The following ZNF503 variants were observed in gnomAD, a reference collection of about 807,000 sequenced individuals.
The protein encoded by ZNF503 is NocA-like zinc finger 2.
In ZNF503, 15 loss-of-function variants were observed where a neutral mutation model predicts 34.4. The ratio of observed to expected loss-of-function variants is 0.44; its 90% CI spans 0.29 to 0.67. The LOEUF is 0.67. Among genes scored for constraint, ZNF503 ranks in the 30% least tolerant of loss-of-function variants. The probability of loss-of-function intolerance (pLI) is 0.13; values close to 1 mark genes in which losing one functional copy is unlikely to be tolerated. For missense variants in ZNF503, 1,007 were observed against 926.8 expected (o/e 1.09, Z -1.12); for synonymous variants, 580 against 456.8 (o/e 1.27, Z -3.44).
chr10:75,371,094 T>G, the ZNF503 span, among the ~76,000 whole-genome samples: 24 of 152,006 alleles, frequency 1.6e-4, no homozygotes, highest in Admixed American at 4.6e-4. Context: ...GACTAGCAAA[T>G]GGGGACCTGG....
chr10:75,359,666 C>T, the ZNF503 span, among the ~76,000 whole-genome samples: 1 of 152,186 alleles, frequency 6.6e-6, no homozygotes, highest in Non-Finnish European at 1.5e-5. Context: ...AGGAGTCAGC[C>T]CATGAGTAGA....
the ZNF503 span, among the ~76,000 whole-genome samples, chr10:75,379,334 A>G: frequency 6.6e-6 from 1 of 152,210 alleles, no homozygotes; most frequent in African/African-American, 2.4e-5. Flanking sequence ...ACATGTGACC[A>G]TTAACGATGT....
At chr10:75,293,664 T>C in the ZNF503 span, among the ~76,000 whole-genome samples, 5 of 151,872 alleles carry the variant, frequency 3.3e-5, no homozygotes, top group Non-Finnish European at 5.9e-5. Context: ...TATGTGTGTG[T>C]GCGCATGTGT....
chr10:75,371,900 GTCTA>G, the ZNF503 span, among the ~76,000 whole-genome samples: 1 of 152,140 alleles, frequency 6.6e-6, no homozygotes, highest in African/African-American at 2.4e-5. Flanking sequence ...GCCTCATTCA[GTCTA>G]TCTTTCAATT....
chr10:75,281,239 G>A, the ZNF503 span, among the ~76,000 whole-genome samples: 1 of 152,154 alleles, frequency 6.6e-6, no homozygotes, highest in African/African-American at 2.4e-5. Context: ...TGCACCCGGA[G>A]GGGCCTGAGA....
intron 1 of ZNF503, 119 bp from the exon 2 acceptor site, chr10:75,400,493 C>A (rs1589134163): frequency 7.0e-7 from 1 of 1,437,752 alleles, no homozygotes; most frequent in Non-Finnish European, 9.1e-7. Context: ...ATCCTCCCAG[C>A]CCCAAGGCGC....
At chr10:75,393,149 G>C (rs1440563396), downstream of ZNF503, among the ~76,000 whole-genome samples, 1 of 152,218 alleles carries the variant, frequency 6.6e-6, no homozygotes, top group African/African-American at 2.4e-5. Context: ...TACCCCCTGG[G>C]CTCACTCTGG....
chr10:75,401,698 G>C lies in ZNF503; in HGVS notation c.-279C>G. ...GCCTCGGGCTGCTCCCCTGCGCTGC[G>C]TTCTCGCGGCCCCGCGCCGGCGCTG... On this transcript the variant is annotated 5_prime_UTR_variant, in exon 1 of 2. Coordinates refer to ENST00000372524, the MANE Select transcript of ZNF503 (RefSeq NM_032772.6). The C allele has an allele frequency of 2.3e-6, 1 of 427,542 alleles. No homozygotes were observed. The highest frequency in any genetic ancestry group is 4.1e-6 in the Non-Finnish European group (1 of 242,736). The allele number at this position is 427,542 out of a possible 1,614,324, so 26.5% of individuals were successfully genotyped here.
chr10:75,382,712 C>T, the ZNF503 span: 1 of 345,838 alleles, frequency 2.9e-6, no homozygotes, highest in Non-Finnish European at 5.7e-6. Flanking sequence ...CTCTGGAAAG[C>T]TGTCAAAATA....
chr10:75,333,102 G>A, the ZNF503 span, among the ~76,000 whole-genome samples: 2 of 143,934 alleles, frequency 1.4e-5, no homozygotes, highest in African/African-American at 5.3e-5. Context: ...GCCGGGCGGG[G>A]GGCTGACCCC....
In ZNF503 at chr10:75,399,437, G is replaced by A. The variant is rs1446525743; in HGVS notation, c.1253C>T (p.Pro418Leu). The change falls in exon 2 of 2, where the codon CCG becomes CTG. Residue 418 changes from proline to leucine, a missense_variant. By Grantham distance (98) the Pro-to-Leu change is moderately conservative. Transcript: ENST00000372524. ...CAAACTGGCTGTCATCACGGACGGC[G>A]GAGACGCTCCGGCCAAAGGGCTGGA... ...AGSSPLAGASPPSVMTASLCR... is the reference protein window; with the variant it reads ...AGSSPLAGASLPSVMTASLCR... The A allele has an allele frequency of 1.3e-6, 2 of 1,596,210 alleles. No individual in the cohort carries two copies. The highest frequency in any genetic ancestry group is 8.5e-7 in the Non-Finnish European group (1 of 1,176,092).
At chr10:75,354,646 G>A in the ZNF503 span, among the ~76,000 whole-genome samples, 1 of 152,054 alleles carries the variant, frequency 6.6e-6, no homozygotes, top group Non-Finnish European at 1.5e-5. Flanking sequence ...GGAGGTTGAG[G>A]CAGCAGTAAG....
the ZNF503 span, among the ~76,000 whole-genome samples, chr10:75,301,759 C>T: frequency 6.6e-6 from 1 of 152,032 alleles, no homozygotes; most frequent in Non-Finnish European, 1.5e-5. Flanking sequence ...AGAAACTTTG[C>T]TCCAATACAT....
At chr10:75,314,808 C>T in the ZNF503 span, among the ~76,000 whole-genome samples, 1 of 152,122 alleles carries the variant, frequency 6.6e-6, no homozygotes, top group Admixed American at 6.5e-5. Context: ...AACTATACTT[C>T]AGAAATGAAG....
upstream of ZNF503, chr10:75,401,910 T>G (rs567533792): frequency 1.7e-4 from 33 of 188,738 alleles, no homozygotes; most frequent in South Asian, 2.5e-3. Flanking sequence ...CTGCCAGGAC[T>G]CTCAGTGCCG....
chr10:75,348,138 C>G, the ZNF503 span, among the ~76,000 whole-genome samples: 1 of 152,176 alleles, frequency 6.6e-6, no homozygotes, highest in South Asian at 2.1e-4. Flanking sequence ...TCTCGGCTCA[C>G]TGCAACCTCT....
the ZNF503 span, among the ~76,000 whole-genome samples, chr10:75,351,351 T>C: frequency 2.4e-4 from 36 of 152,172 alleles, no homozygotes; most frequent in Non-Finnish European, 2.9e-5. Flanking sequence ...TTTGTATTTT[T>C]AGTAGAGACG....
chr10:75,323,518 T>C, the ZNF503 span, among the ~76,000 whole-genome samples: 1 of 152,210 alleles, frequency 6.6e-6, no homozygotes, highest in South Asian at 2.1e-4. Context: ...AGGTTTCCAA[T>C]TGCTCCACAC....
At chr10:75,325,771 A>C in the ZNF503 span, among the ~76,000 whole-genome samples, 1 of 143,656 alleles carries the variant, frequency 7.0e-6, no homozygotes, top group Admixed American at 6.8e-5. Context: ...CCATTTATTT[A>C]GTTCTTCTTT....
Sources: allele counts gnomAD v4.1 joint callset (sites outside exome capture counted in the v4.1 genomes callset), GRCh38; gene constraint gnomAD v4.1.1; transcripts MANE v1.5; gene names NCBI Gene and HGNC (gene_info 2026-07-23, HGNC 2026-07-21).